Variants in RBFOX1 observed in about 807,000 individuals in gnomAD.
The protein encoded by RBFOX1 is RNA binding protein fox-1 homolog 1.
RBFOX1 carries 8 observed loss-of-function variants against 57.7 expected under a neutral mutation model. The ratio of observed to expected loss-of-function variants is 0.14; its 90% CI spans 0.08 to 0.25. The LOEUF (loss-of-function observed/expected upper bound fraction) is 0.25, where lower values mean the gene tolerates loss of function less well. Among genes scored for constraint, RBFOX1 ranks in the 10% least tolerant of loss-of-function variants. RBFOX1 has a pLI of 1.00. For missense variants in RBFOX1, 611 were observed against 548.5 expected, an observed-to-expected ratio of 1.11 and a Z score of -1.14; for synonymous variants, 326 against 222.4, an observed-to-expected ratio of 1.47 and a Z score of -4.15.
At chr16:7,684,487 TAATC>T (rs2075625293) in intron 14 of RBFOX1, among the ~76,000 whole-genome samples, 4 of 152,036 alleles carry the variant, frequency 2.6e-5, no homozygotes, top group African/African-American at 9.7e-5. Flanking sequence ...AGCTGAAACA[TAATC>T]AAAGCCAAAT....
chr16:5,906,215 G>T (rs768214311), intron 4 of RBFOX1, among the ~76,000 whole-genome samples: 1 of 152,134 alleles, frequency 6.6e-6, no homozygotes. Flanking sequence ...TTGGAAATAG[G>T]GTTCTTGTAG....
chr16:5,421,857 G>A (rs748917667), intron 1 of RBFOX1, among the ~76,000 whole-genome samples: 14 of 152,104 alleles, frequency 9.2e-5, no homozygotes, highest in Non-Finnish European at 2.1e-4. Flanking sequence ...AGACGGCACC[G>A]GCACACGTGA....
intron 2 of RBFOX1, among the ~76,000 whole-genome samples, chr16:6,448,098 G>T (rs887974730): frequency 7.3e-6 from 1 of 136,786 alleles, no homozygotes; most frequent in African/African-American, 2.7e-5. Flanking sequence ...TGTTCGTTTG[G>T]TTTTTTTATA....
intron 4 of RBFOX1, among the ~76,000 whole-genome samples, chr16:7,054,994 G>C (rs1395416102): frequency 3.3e-5 from 5 of 152,118 alleles, no homozygotes; most frequent in African/African-American, 1.2e-4. Flanking sequence ...CTTGGTGTTA[G>C]GATCTCCTTT....
intron 3 of RBFOX1, among the ~76,000 whole-genome samples, chr16:5,677,329 T>C (rs2050197923): frequency 6.6e-6 from 1 of 152,262 alleles, no homozygotes; most frequent in African/African-American, 2.4e-5. Flanking sequence ...ATTCACATTT[T>C]AGTTAAACTG....
At chr16:7,379,780 T>TCCTG (rs919533506) in intron 4 of RBFOX1, among the ~76,000 whole-genome samples, 1 of 150,618 alleles carries the variant, frequency 6.6e-6, no homozygotes, top group African/African-American at 2.4e-5. Flanking sequence ...CTGCCTTCCG[T>TCCTG]CCTGCCTGCC....
intron 3 of RBFOX1, among the ~76,000 whole-genome samples, chr16:6,874,835 T>C (rs550873692): frequency 4.2e-4 from 64 of 152,156 alleles, no homozygotes; most frequent in African/African-American, 1.4e-3. Flanking sequence ...GATGGGTGCA[T>C]CAAAATCTCA....
chr16:6,205,322 G>T (rs1312240163), intron 1 of RBFOX1, among the ~76,000 whole-genome samples: 1 of 152,162 alleles, frequency 6.6e-6, no homozygotes, highest in East Asian at 1.9e-4. Context: ...TCTGTAGCTG[G>T]TTGCAATTTG....
At chr16:6,384,880 C>T (rs1374977286) in intron 2 of RBFOX1, among the ~76,000 whole-genome samples, 1 of 152,150 alleles carries the variant, frequency 6.6e-6, no homozygotes, top group Admixed American at 6.5e-5. Context: ...GTATCCTTCC[C>T]TTAGAACTAG....
At chr16:6,065,549 C>T (rs532730980) in intron 1 of RBFOX1, among the ~76,000 whole-genome samples, 2 of 152,136 alleles carry the variant, frequency 1.3e-5, no homozygotes, top group South Asian at 2.1e-4. Flanking sequence ...TTGACATGCC[C>T]GTAACCTGCT....
In RBFOX1 at chr16:7,638,696, C is replaced by G. The variant is rs1267091623; in HGVS notation, c.757+8013C>G. Among the ~76,000 whole-genome samples the G allele has an allele frequency of 3.9e-5, 6 of 152,200 alleles. No homozygotes were observed. In the South Asian group the frequency reaches 1.2e-3, roughly 31 times the overall value. On this transcript the variant is annotated intron_variant, in intron 11 of 15. Transcript: ENST00000550418. ...TGCAGCGACTCAACTCTTGTTATAG[C>G]TTGAAAGTAGCCATAGACTACTGTA...
intron 4 of RBFOX1, among the ~76,000 whole-genome samples, chr16:7,381,107 G>A (rs188084865): frequency 1.3e-5 from 2 of 152,294 alleles, no homozygotes; most frequent in African/African-American, 4.8e-5. Context: ...CAAACCCAGT[G>A]TTCTGGCTTC....
At chr16:6,991,837 G>T (rs1384276327) in intron 3 of RBFOX1, among the ~76,000 whole-genome samples, 2 of 152,130 alleles carry the variant, frequency 1.3e-5, no homozygotes, top group East Asian at 1.9e-4. Context: ...ACCAGGCCCA[G>T]CCCACTTCTG....
At chr16:7,697,663 C>A (rs560825753) in intron 14 of RBFOX1, among the ~76,000 whole-genome samples, 2 of 152,074 alleles carry the variant, frequency 1.3e-5, no homozygotes, top group East Asian at 1.9e-4. Flanking sequence ...AGTAGCTTGC[C>A]CAGTCACACT....
intron 3 of RBFOX1, among the ~76,000 whole-genome samples, chr16:6,981,145 G>T (rs1456015728): frequency 6.6e-6 from 1 of 150,514 alleles, no homozygotes; most frequent in East Asian, 1.9e-4. Context: ...AAATTTACAG[G>T]TACACTTGCA....
intron 1 of RBFOX1, among the ~76,000 whole-genome samples, chr16:5,246,216 A>C (rs2062296167): frequency 6.6e-6 from 1 of 152,242 alleles, no homozygotes; most frequent in Non-Finnish European, 1.5e-5. Context: ...CACTTCAGCC[A>C]GCCTGGGTGA....
chr16:6,285,919 T>C (rs1198107643), intron 1 of RBFOX1, among the ~76,000 whole-genome samples: 1 of 152,150 alleles, frequency 6.6e-6, no homozygotes, highest in Non-Finnish European at 1.5e-5. Context: ...CATAATTAAA[T>C]AAATTGAGGC....
intron 3 of RBFOX1, among the ~76,000 whole-genome samples, chr16:6,943,978 C>G (rs1036221032): frequency 2.0e-5 from 3 of 152,146 alleles, no homozygotes; most frequent in African/African-American, 4.8e-5. Flanking sequence ...GGCTGCCCAA[C>G]TCACGAACTG....
Position 5,722,850 on chromosome 16 carries a change from C to G in RBFOX1, c.318+123889C>G, listed in dbSNP as rs115536885. Among the ~76,000 whole-genome samples the G allele has an allele frequency of 5.5e-3, 838 of 152,330 alleles. 6 individuals are homozygous for G. Among genetic ancestry groups the G allele is most frequent in the African/African-American group, 0.019 (790 of 41,576 alleles). On this transcript the variant is annotated intron_variant, in intron 3 of 19. Transcript: ENST00000641259. ...TCCCAAGACCAAGTATCCCCCTACC[C>G]TCTGCCACTTAACTTTTTCTGTTGC... is the stretch of plus-strand genomic sequence containing the variant.
Sources: gnomAD v4.1 joint callset for allele counts (sites outside exome capture counted in the v4.1 genomes callset) on GRCh38, gnomAD v4.1.1 for gene constraint, MANE v1.5 for transcripts, NCBI Gene and HGNC (gene_info 2026-07-23, HGNC 2026-07-21) for gene names.